The following MAP4K5 variants were observed in gnomAD, a reference collection of about 807,000 sequenced individuals.
The protein encoded by MAP4K5 is MAPK/ERK kinase kinase kinase 5.
Under a neutral mutation model 135.6 loss-of-function variants are expected in MAP4K5, and 82 were observed. The ratio of observed to expected loss-of-function variants is 0.60; its 90% confidence interval spans 0.51 to 0.73. The LOEUF (loss-of-function observed/expected upper bound fraction) is 0.73, where lower values mean the gene tolerates loss of function less well. MAP4K5 is among the 30% of genes least tolerant of loss of function. MAP4K5 has a pLI of 0.00. For missense variants in MAP4K5, 907 were observed against 1,010.9 expected, an observed-to-expected ratio of 0.90 and a Z score of 1.39; for synonymous variants, 347 against 335.0, an observed-to-expected ratio of 1.04 and a Z score of -0.39.
At chr14:50,464,897 T>A (rs889223257) in intron 11 of MAP4K5, among the ~76,000 whole-genome samples, 1 of 152,182 alleles carries the variant, frequency 6.6e-6, no homozygotes, top group Non-Finnish European at 1.5e-5. Flanking sequence ...GGTTCTCCAA[T>A]GGTAATAACT....
At chr14:50,470,041 A>G (rs1206068017) in intron 9 of MAP4K5, among the ~76,000 whole-genome samples, 1 of 152,228 alleles carries the variant, frequency 6.6e-6, no homozygotes, top group East Asian at 1.9e-4. Context: ...AGTAAGGAGA[A>G]GTAAACAATC....
chr14:50,440,167 C>A (rs1232094627), intron 22 of MAP4K5, 94 bp from the exon 23 acceptor site: 2 of 950,888 alleles, frequency 2.1e-6, no homozygotes, highest in Middle Eastern at 2.3e-4. Context: ...TAACTATTTT[C>A]TAACTTTCAG....
intron 16 of MAP4K5, 93 bp downstream of exon 16, chr14:50,447,321 T>C: frequency 1.3e-6 from 1 of 746,686 alleles, no homozygotes; most frequent in South Asian, 2.3e-5. Flanking sequence ...TTTTCAAGAA[T>C]GCAAATTAAA....
chr14:50,495,536 C>T (rs973262643), intron 3 of MAP4K5, among the ~76,000 whole-genome samples: 5 of 152,206 alleles, frequency 3.3e-5, no homozygotes, highest in African/African-American at 1.2e-4. Context: ...GTGGAACTAT[C>T]ATATGACCAA....
chr14:50,455,576 T>C (rs934848673), intron 14 of MAP4K5, among the ~76,000 whole-genome samples: 2 of 152,028 alleles, frequency 1.3e-5, no homozygotes, highest in Non-Finnish European at 2.9e-5. Flanking sequence ...TTGAAACAAC[T>C]GAGAAGGGAA....
intron 2 of MAP4K5, among the ~76,000 whole-genome samples, chr14:50,514,053 C>G (rs1331098426): frequency 6.6e-6 from 1 of 152,074 alleles, no homozygotes; most frequent in Non-Finnish European, 1.5e-5. Flanking sequence ...CTTTATGGAA[C>G]ATTGCTTTCT....
rs144978498 is a variant in MAP4K5 at position 50,451,211 on chromosome 14, A to G, written c.1016-2379T>C. Among the ~76,000 whole-genome samples, 822 of 152,296 alleles carry G rather than the reference A, an allele frequency of 5.4e-3. 2 individuals carry two copies. The highest frequency in any genetic ancestry group is 8.0e-3 in the Non-Finnish European group (544 of 68,018). ...AGACTCAATACTGTAAAAAAGATCA[A>G]TAAGCTTCAAGTCACGGCAACAGAA... On this transcript the variant is annotated intron_variant, in intron 14 of 32. Coordinates refer to ENST00000682126, the MANE Select transcript of MAP4K5 (RefSeq NM_006575.6).
At chr14:50,433,270 A>T (rs2036014787) in intron 28 of MAP4K5, among the ~76,000 whole-genome samples, 2 of 152,260 alleles carry the variant, frequency 1.3e-5, no homozygotes, top group Non-Finnish European at 2.9e-5. Flanking sequence ...CTTAAAAGGC[A>T]GAGTGCAGGT....
intron 20 of MAP4K5, 86 bp from the exon 21 acceptor site, chr14:50,442,902 A>C (rs2036260557): frequency 1.4e-6 from 1 of 738,264 alleles, no homozygotes; most frequent in African/African-American, 1.8e-5. Context: ...TTGAAATACC[A>C]AATTAACTCT....
At chr14:50,508,196 C>G (rs958521525) in intron 2 of MAP4K5, among the ~76,000 whole-genome samples, 2 of 151,898 alleles carry the variant, frequency 1.3e-5, no homozygotes, top group Non-Finnish European at 2.9e-5. Flanking sequence ...TTTCCATTTC[C>G]TTGGTAGATT....
At chr14:50,525,373 C>T (rs2038241138) in intron 2 of MAP4K5, among the ~76,000 whole-genome samples, 1 of 152,206 alleles carries the variant, frequency 6.6e-6, no homozygotes, top group African/African-American at 2.4e-5. Context: ...TGTTTTTGAT[C>T]ATCTTCTAAA....
chr14:50,474,367 T>C (rs1405390494), intron 9 of MAP4K5, among the ~76,000 whole-genome samples: 1 of 151,698 alleles, frequency 6.6e-6, no homozygotes, highest in Non-Finnish European at 1.5e-5. Context: ...TCCAGCCACG[T>C]GACAGAATGA....
rs2037096386 is a variant in MAP4K5, at chr14:50,476,278, T to C, written c.407A>G (p.Lys136Arg). 1 of 1,493,664 alleles carries C rather than the reference T, an allele frequency of 6.7e-7. No homozygotes were observed. Among genetic ancestry groups the C allele is most frequent in the African/African-American group, 1.4e-5 (1 of 70,146 alleles). 92.5% of individuals were successfully genotyped at this position (1,493,664 alleles called of 1,614,324 possible). ...QGLAYLHTKG[K>R]MHRDIKGANI... is the part of the protein sequence containing the mutation. The stretch of plus-strand genomic sequence containing the variant: ...ACTTACTTTGATATCTCTATGCATT[T>C]TGCCTTTAGTATGCAAATAGGCAAG... Residue 136 changes from lysine (K) to arginine (R), a missense_variant, in exon 7 of 33, where the codon AAA becomes AGA. Lys to Arg is a conservative substitution (Grantham distance 26, BLOSUM62 2). Around this residue, in one of 3 missense-constraint regions of MAP4K5, gnomAD observed 196 missense variants for 189.3 expected, o/e 1.04. Coordinates refer to ENST00000682126, the MANE Select transcript of MAP4K5 (RefSeq NM_006575.6).
intron 5 of MAP4K5, chr14:50,483,219 T>C (rs1021206712): frequency 4.6e-5 from 7 of 152,210 alleles, no homozygotes; most frequent in African/African-American, 1.7e-4. Context: ...AGAGGCTTGA[T>C]CCAGTACCTT....
chr14:50,543,083 T>C (rs913601522), intron 1 of MAP4K5, among the ~76,000 whole-genome samples: 2 of 152,246 alleles, frequency 1.3e-5, no homozygotes, highest in Non-Finnish European at 2.9e-5. Flanking sequence ...TCGATAGTTA[T>C]ACAAGAAGAT....
intron 6 of MAP4K5, among the ~76,000 whole-genome samples, chr14:50,477,895 G>A (rs767310345): frequency 3.9e-5 from 6 of 152,088 alleles, no homozygotes; most frequent in Admixed American, 2.6e-4. Context: ...CTAGGTTTAT[G>A]AAGAACATTA....
At chr14:50,489,576 G>C (rs1405372148) in intron 3 of MAP4K5, among the ~76,000 whole-genome samples, 1 of 152,070 alleles carries the variant, frequency 6.6e-6, no homozygotes, top group African/African-American at 2.4e-5. Context: ...TTTACAGTTT[G>C]TGTTAATGAC....
intron 14 of MAP4K5, among the ~76,000 whole-genome samples, chr14:50,451,321 G>A (rs1314299771): frequency 6.6e-6 from 1 of 152,062 alleles, no homozygotes. Flanking sequence ...AAGCCTCCAC[G>A]ACCTGTAGAC....
Position 50,485,631 on chromosome 14 carries a change from A to G in MAP4K5, c.269T>C (p.Leu90Pro). ...YFGSYLSREK[L>P]WICMEYCGGG... ...ACCACAGTATTCCATACAAATCCAT[A>G]GTTTTTCCCGACTAATACAAAAAAA... is the stretch of plus-strand genomic sequence containing the variant. Residue 90 changes from leucine to proline, a missense_variant, in exon 5 of 33, where the codon CTA (leucine) becomes CCA (proline). Around this residue, in one of 3 missense-constraint regions of MAP4K5, gnomAD observed 196 missense variants for 189.3 expected, o/e 1.04. Coordinates refer to ENST00000682126, the MANE Select transcript of MAP4K5 (RefSeq NM_006575.6). The G allele has an allele frequency of 6.5e-7, 1 of 1,544,024 alleles. No homozygotes were observed. Among genetic ancestry groups the G allele is most frequent in the Non-Finnish European group, 8.8e-7 (1 of 1,140,028 alleles).
Sources: gnomAD v4.1 joint callset for allele counts (sites outside exome capture counted in the v4.1 genomes callset) on GRCh38, gnomAD v4.1.1 for gene constraint, gnomAD v4.1.1 regional missense constraint, MANE v1.5 for transcripts, NCBI Gene and HGNC (gene_info 2026-07-23, HGNC 2026-07-21) for gene names.